The following HMCN1 variants were observed in gnomAD, a reference collection of about 807,000 sequenced individuals.
The protein encoded by HMCN1 is hemicentin-1.
Under a neutral mutation model 625.9 loss-of-function variants are expected in HMCN1, and 321 were observed. The observed-to-expected ratio is 0.51, with a 90% CI of 0.47 to 0.56. The LOEUF is 0.56. Among genes scored for constraint, HMCN1 ranks in the 20% least tolerant of loss-of-function variants. The pLI, the probability that HMCN1 is intolerant of heterozygous loss-of-function variation, is 0.00. For synonymous variants in HMCN1, 2,425 were observed against 2,417.6 expected, an observed-to-expected ratio of 1.00 and a Z score of -0.09; for missense variants, 6,588 against 6,887.3, an observed-to-expected ratio of 0.96 and a Z score of 1.54.
Position 186,123,266 on chromosome 1 carries a change from G to C in HMCN1, c.12499+46G>C. 1.9e-6 allele frequency: 3 copies of C among 1,585,252 alleles called. No individual in the cohort carries two copies. The Middle Eastern group carries it at 5.0e-4, about 264-fold the overall frequency. On this transcript the variant is annotated intron_variant, in intron 81 of 106. Coordinates refer to ENST00000271588, the MANE Select transcript of HMCN1 (RefSeq NM_031935.3). Reference sequence around the variant, plus strand: ...TATTTTAGTCTGCTGCACTACCATGGCAAAGAGAAAAGGCTACCAAGAGCA... The same window carrying C: ...TATTTTAGTCTGCTGCACTACCATGCCAAAGAGAAAAGGCTACCAAGAGCA...
chr1:185,804,602 A>G (rs1195317777), intron 1 of HMCN1, among the ~76,000 whole-genome samples: 1 of 152,024 alleles, frequency 6.6e-6, no homozygotes, highest in Non-Finnish European at 1.5e-5. Flanking sequence ...TTTCAACTCA[A>G]AGCTTTTAGG....
chr1:185,832,785 G>A (rs1660944261), intron 1 of HMCN1, among the ~76,000 whole-genome samples: 1 of 152,106 alleles, frequency 6.6e-6, no homozygotes, highest in Admixed American at 6.5e-5. Flanking sequence ...CTAAAAGAAA[G>A]CTATTTCTGC....
intron 11 of HMCN1, among the ~76,000 whole-genome samples, chr1:185,961,022 G>A (rs376144806): frequency 2.0e-5 from 3 of 152,032 alleles, no homozygotes; most frequent in Admixed American, 6.6e-5. Context: ...ACAAGAATCC[G>A]TGGAATAATG....
Position 186,015,237 on chromosome 1 carries a change from A to T in HMCN1, c.4709A>T (p.Glu1570Val). The part of the protein sequence containing the change: ...LINSLIKLEC[E>V]TRGLPMPAIT... ...AACAGCCTTATTAAACTGGAATGTG[A>T]AACACGGGGACTTCCAATGCCTGCC... The change falls in exon 31 of 107, where the codon GAA (glutamate) becomes GTA (valine). Residue 1570 changes from glutamate to valine, a missense_variant. Glu to Val is a moderately radical substitution (Grantham distance 121). This residue lies in a region of HMCN1 where 4,628 missense variants were observed against 4,853.1 expected (regional missense o/e 0.95). Transcript: ENST00000271588. The T allele has an allele frequency of 6.2e-7, 1 of 1,613,770 alleles. No homozygotes were observed. The highest frequency in any genetic ancestry group is 8.5e-7 in the Non-Finnish European group (1 of 1,179,776).
chr1:185,871,144 G>A (rs1389876917), intron 4 of HMCN1, among the ~76,000 whole-genome samples: 4 of 151,486 alleles, frequency 2.6e-5, no homozygotes, highest in Admixed American at 2.6e-4. Context: ...CAAGAGAATC[G>A]CTTGAGGCTG....
intron 14 of HMCN1, 67 bp downstream of exon 14, chr1:185,965,982 T>G: frequency 9.7e-7 from 1 of 1,030,212 alleles, no homozygotes; most frequent in South Asian, 1.3e-5. Flanking sequence ...AAAAATGATT[T>G]GTTAAAACTT....
intron 14 of HMCN1, among the ~76,000 whole-genome samples, chr1:185,969,220 G>A (rs1287676449): frequency 6.6e-6 from 1 of 152,142 alleles, no homozygotes; most frequent in East Asian, 1.9e-4. Flanking sequence ...TTTCTCAGAG[G>A]CATATCGACA....
chr1:186,154,062 T>C (rs1650841136), intron 97 of HMCN1, 75 bp downstream of exon 97: 9 of 1,140,228 alleles, frequency 7.9e-6, no homozygotes, highest in South Asian at 6.3e-5. Flanking sequence ...AATAAGGACA[T>C]TGAGGCCTAC....
intron 53 of HMCN1, 75 bp from the exon 54 acceptor site, chr1:186,076,353 C>G: frequency 7.3e-7 from 1 of 1,361,308 alleles, no homozygotes; most frequent in East Asian, 2.4e-5. Context: ...TTACAAATCA[C>G]TCTGGTGAAA....
intron 40 of HMCN1, among the ~76,000 whole-genome samples, chr1:186,041,560 T>C (rs1345084576): frequency 6.6e-6 from 1 of 152,164 alleles, no homozygotes; most frequent in African/African-American, 2.4e-5. Context: ...AATTAATGGC[T>C]CTTTGAGAAG....
chr1:186,019,381 A>G (rs1206410575), intron 34 of HMCN1, among the ~76,000 whole-genome samples, 160 bp from the exon 35 acceptor site: 1 of 152,094 alleles, frequency 6.6e-6, no homozygotes, highest in Non-Finnish European at 1.5e-5. Flanking sequence ...TTGCTAAAAA[A>G]TTATAAATTA....
intron 40 of HMCN1, among the ~76,000 whole-genome samples, chr1:186,042,557 C>A (rs775310738): frequency 4.3e-4 from 66 of 152,094 alleles, no homozygotes; most frequent in Admixed American, 3.3e-4. Context: ...TGTTCCTTAT[C>A]AGTTGCTAAG....
chr1:186,131,656 GACTT>G (rs943459959), intron 85 of HMCN1, among the ~76,000 whole-genome samples: 2 of 151,846 alleles, frequency 1.3e-5, no homozygotes, highest in Non-Finnish European at 2.9e-5. Flanking sequence ...CCCTTTTATT[GACTT>G]ACTGTTTGTT....
intron 15 of HMCN1, among the ~76,000 whole-genome samples, chr1:185,973,837 C>T (rs947620620): frequency 3.9e-5 from 6 of 152,046 alleles, no homozygotes; most frequent in Non-Finnish European, 7.4e-5. Flanking sequence ...TTGTAGCATT[C>T]CATACCACAC....
chr1:185,761,683 A>G (rs1414503053), intron 1 of HMCN1, among the ~76,000 whole-genome samples: 1 of 152,218 alleles, frequency 6.6e-6, no homozygotes, highest in Non-Finnish European at 1.5e-5. Context: ...GTAAAAATCA[A>G]GGTTATTATA....
chr1:186,032,473 G>A (rs1655522120), intron 36 of HMCN1, among the ~76,000 whole-genome samples: 2 of 152,082 alleles, frequency 1.3e-5, no homozygotes, highest in African/African-American at 4.8e-5. Context: ...GGACCCGATG[G>A]GAGGTAATTG....
chr1:186,053,812 G>A lies in HMCN1; in HGVS notation c.6701-13G>A. 6.2e-7 allele frequency: 1 copy of A among 1,612,168 alleles called. No homozygotes were observed. Among genetic ancestry groups the A allele is most frequent in the East Asian group, 2.2e-5 (1 of 44,730 alleles). ...TTTCTGCCTCATATTCTGCCATTTGGACTTCTTTGTAGGCTCTCCAGTGCT... is the reference window on the plus strand; with the variant it reads ...TTTCTGCCTCATATTCTGCCATTTGAACTTCTTTGTAGGCTCTCCAGTGCT... On this transcript the variant is annotated splice_polypyrimidine_tract_variant and intron_variant, in intron 43 of 106. Coordinates refer to ENST00000271588, the MANE Select transcript of HMCN1 (RefSeq NM_031935.3).
chr1:185,815,426 C>T (rs1052225847), intron 1 of HMCN1, among the ~76,000 whole-genome samples: 1 of 150,064 alleles, frequency 6.7e-6, no homozygotes, highest in Non-Finnish European at 1.5e-5. Context: ...ACTTAGGATT[C>T]TTATAAGTGG....
Position 185,928,671 on chromosome 1 carries a change from A to C in HMCN1, c.1552+4A>C. On this transcript the variant is annotated splice_donor_region_variant and intron_variant, in intron 10 of 106. Coordinates refer to ENST00000271588, the MANE Select transcript of HMCN1 (RefSeq NM_031935.3). ...CAGACATTTTTTGACGTATCAGGTA[A>C]TTACCACTAATTTCTTTGCAGTTGC... The C allele has an allele frequency of 6.2e-7, 1 of 1,613,116 alleles. No individual in the cohort carries two copies. The highest frequency in any genetic ancestry group is 8.5e-7 in the Non-Finnish European group (1 of 1,179,206).
Sources: gnomAD v4.1 joint callset for allele counts (sites outside exome capture counted in the v4.1 genomes callset) on GRCh38, gnomAD v4.1.1 for gene constraint, gnomAD v4.1.1 regional missense constraint, MANE v1.5 for transcripts, NCBI Gene and HGNC (gene_info 2026-07-23, HGNC 2026-07-21) for gene names.